Variants in PWWP2A observed in about 807,000 individuals in gnomAD.
PWWP2A encodes PWWP domain-containing protein 2A.
In PWWP2A, 18 loss-of-function variants were observed where a neutral mutation model predicts 48.5. The observed-to-expected ratio is 0.37, with a 90% CI of 0.26 to 0.55. The LOEUF is 0.55. Ranked by LOEUF, PWWP2A falls within the 20% of genes least tolerant of loss-of-function variation. PWWP2A has a pLI of 0.81. For missense variants in PWWP2A, 867 were observed against 976.4 expected, an observed-to-expected ratio of 0.89 and a Z score of 1.49; for synonymous variants, 396 against 387.7, an observed-to-expected ratio of 1.02 and a Z score of -0.25.
Position 160,093,831 on chromosome 5 carries a change from A to T in PWWP2A, c.819T>A (p.Pro273=). 6.2e-7 allele frequency: 1 copy of T among 1,613,838 alleles called. No homozygotes were observed. The highest frequency in any genetic ancestry group is 8.5e-7 in the Non-Finnish European group (1 of 1,179,850). Residue 273 remains proline (P), a synonymous_variant, in exon 2 of 2, where the codon CCT becomes CCA. Transcript: ENST00000307063. This position sits in a 1 kb window ranked among gnomAD's most constrained non-coding sequence, Gnocchi z 5.8. ...ATGTGTCCCTGATAAACAAAGGGGG[A>T]GGATAAGGTGCTCCTTCATGGAAGA... The part of the protein sequence containing the change: ...PPLFHEGAPY[P]PPLFIRDTYN...
Position 160,092,213 on chromosome 5 carries a change from GT to G in PWWP2A, c.*168del, listed in dbSNP as rs1755155010. The G allele has an allele frequency of 7.3e-7, 1 of 1,364,526 alleles. No homozygotes were observed. Among genetic ancestry groups the G allele is most frequent in the Admixed American group, 3.2e-5 (1 of 31,364 alleles). 84.5% of individuals were successfully genotyped at this position (1,364,526 alleles called of 1,614,324 possible). A position where few individuals can be genotyped will look rare whatever the true frequency, so the allele number is the denominator to read the frequency against. On this transcript the variant is annotated 3_prime_UTR_variant, in exon 2 of 2. Transcript: ENST00000307063. ...AACACAAAATTTGATTATATGTTCA[GT>G]TTAAGCTCTCAGTCTAAAAATGGCT...
chr5:160,080,389 C>T (rs1230984490), intron 3 of PWWP2A, among the ~76,000 whole-genome samples: 2 of 152,146 alleles, frequency 1.3e-5, no homozygotes, highest in African/African-American at 2.4e-5. Flanking sequence ...CAACTTCTAC[C>T]ACCCTAAGAG....
intron 1 of PWWP2A, among the ~76,000 whole-genome samples, chr5:160,108,098 T>C (rs1300438898): frequency 6.6e-6 from 1 of 152,164 alleles, no homozygotes; most frequent in African/African-American, 2.4e-5. Context: ...TTAAGTTTTA[T>C]TTTTAATTCC....
chr5:160,087,134 T>C (rs934458525), downstream of PWWP2A, among the ~76,000 whole-genome samples: 3 of 152,242 alleles, frequency 2.0e-5, no homozygotes, highest in Admixed American at 2.0e-4. Context: ...CCTAGCACTT[T>C]GTTGGGGGCC....
chr5:160,098,879 T>C (rs778810236), intron 1 of PWWP2A, among the ~76,000 whole-genome samples: 4 of 152,134 alleles, frequency 2.6e-5, no homozygotes, highest in Non-Finnish European at 5.9e-5. Context: ...GAGGTTGCAG[T>C]GAGCTGAGAT....
rs201379277 is a variant in PWWP2A, at chr5:160,093,207, G to A, written c.1443C>T (p.Tyr481=). Residue 481 remains tyrosine, a synonymous_variant, in exon 2 of 2, where the codon TAC becomes TAT. Transcript: ENST00000307063. The surrounding 1 kb of genome is among the most constrained non-coding windows in gnomAD (Gnocchi z 5.8). ...PPRVRLKPQR[Y]RNEENDSSLK... is the part of the protein sequence containing the mutation. Reference sequence around the variant, plus strand: ...GAGAAGAGTCATTTTCTTCATTCCTGTACCTCTGTGGTTTTAAACGAACCC... The same window carrying A: ...GAGAAGAGTCATTTTCTTCATTCCTATACCTCTGTGGTTTTAAACGAACCC... The A allele has an allele frequency of 6.8e-6, 11 of 1,613,930 alleles. No homozygotes were observed. The African/African-American group carries it at 1.5e-4, about 22-fold the overall frequency.
intron 1 of PWWP2A, among the ~76,000 whole-genome samples, chr5:160,117,587 G>C (rs1358584213): frequency 3.9e-5 from 6 of 152,064 alleles, no homozygotes; most frequent in African/African-American, 1.4e-4. Flanking sequence ...AACCCAGGAG[G>C]CGGAGGTTGC....
At chr5:160,115,275 G>C (rs1758007861) in intron 1 of PWWP2A, among the ~76,000 whole-genome samples, 1 of 151,902 alleles carries the variant, frequency 6.6e-6, no homozygotes, top group East Asian at 1.9e-4. Flanking sequence ...AATATAGCTG[G>C]CTGGCTGCAA....
At chr5:160,064,832 A>G in intron 4 of PWWP2A, 1 of 1,280,514 alleles carries the variant, frequency 7.8e-7, no homozygotes, top group South Asian at 1.5e-5. Flanking sequence ...GCAAAGAGAT[A>G]CTTTTATATT....
At chr5:160,113,256 GTCCAGC>G in intron 1 of PWWP2A, 1 of 979,666 alleles carries the variant, frequency 1.0e-6, no homozygotes, top group Non-Finnish European at 1.2e-6. Context: ...AGTTATGTAT[GTCCAGC>G]TCCTTTTTTT....
chr5:160,106,262 T>C (rs1354704959), intron 1 of PWWP2A, among the ~76,000 whole-genome samples: 2 of 152,204 alleles, frequency 1.3e-5, no homozygotes, highest in South Asian at 2.1e-4. Context: ...CTTGAATATA[T>C]CTACTATTAT....
downstream of PWWP2A, among the ~76,000 whole-genome samples, chr5:160,074,299 G>A (rs922664458): frequency 2.6e-5 from 4 of 151,302 alleles, no homozygotes; most frequent in African/African-American, 9.7e-5. Flanking sequence ...TTAGCTGGGA[G>A]TTGTGGCACA....
chr5:160,107,989 G>A (rs781657731), intron 1 of PWWP2A, among the ~76,000 whole-genome samples: 18 of 151,470 alleles, frequency 1.2e-4, no homozygotes, highest in African/African-American at 3.4e-4. Flanking sequence ...CGACAAAAGC[G>A]AGACCCATCT....
Position 160,078,256 on chromosome 5 carries a change from C to T in PWWP2A, c.1670-88G>A. The T allele has an allele frequency of 1.8e-6, 2 of 1,120,690 alleles. No homozygotes were observed. The highest frequency in any genetic ancestry group is 2.6e-6 in the Non-Finnish European group (2 of 757,262). The allele number at this position is 1,120,690 out of a possible 1,614,324, so 69.4% of individuals were successfully genotyped here. A position where few individuals can be genotyped will look rare whatever the true frequency, so the allele number is the denominator to read the frequency against. On this transcript the variant is annotated intron_variant, in intron 3 of 3. Transcript: ENST00000456329. The surrounding 1 kb of genome is among the most constrained non-coding windows in gnomAD (Gnocchi z 4.2). The stretch of plus-strand genomic sequence containing the variant: ...TGATGTCCTTGTTGTTTAAGCCCTA[C>T]ATAGATTGTGGGATCACACCTGATT...
At chr5:160,069,091 G>C (rs1306979288) in intron 2 of PWWP2A, among the ~76,000 whole-genome samples, 1 of 151,934 alleles carries the variant, frequency 6.6e-6, no homozygotes, top group East Asian at 1.9e-4. Flanking sequence ...TCAGGAGTTC[G>C]AGACCAGCCT....
chr5:160,101,040 G>C (rs1326684400), intron 1 of PWWP2A, among the ~76,000 whole-genome samples: 1 of 152,186 alleles, frequency 6.6e-6, no homozygotes, highest in Non-Finnish European at 1.5e-5. Flanking sequence ...CAAAATAATA[G>C]TTTCAGTCTT....
At chr5:160,072,154 A>G (rs1753753209), downstream of PWWP2A, among the ~76,000 whole-genome samples, 1 of 152,218 alleles carries the variant, frequency 6.6e-6, no homozygotes. Flanking sequence ...TAAAAGCTGT[A>G]CAGGGAAAGG....
rs3962036 is a variant in PWWP2A, at chr5:160,116,350, G to A, written c.584+2455C>T. On this transcript the variant is annotated intron_variant, in intron 1 of 1. Transcript: ENST00000307063. ...GGGCCCCTGTAATCCCAGCTACTCC[G>A]GAGGCTGAGGCAAGAGAATTGCTTC... 5.9e-3 allele frequency among the ~76,000 whole-genome samples: 905 copies of A among 152,216 alleles called. 14 individuals carry two copies. The highest frequency in any genetic ancestry group is 0.02 in the African/African-American group (825 of 41,540).
chr5:160,051,385 T>A, the PWWP2A span, among the ~76,000 whole-genome samples: 1 of 152,216 alleles, frequency 6.6e-6, no homozygotes, highest in South Asian at 2.1e-4. Context: ...GATTTCCTTT[T>A]TGATTTTCTT....
Sources: allele counts gnomAD v4.1 joint callset (sites outside exome capture counted in the v4.1 genomes callset), GRCh38; gene constraint gnomAD v4.1.1; non-coding constraint Gnocchi (gnomAD v3.1); transcripts MANE v1.5; gene names NCBI Gene and HGNC (gene_info 2026-07-23, HGNC 2026-07-21).